The following ADAMTS12 variants were observed in gnomAD, a reference collection of about 807,000 sequenced individuals.
ADAMTS12 encodes the protein ADAM metallopeptidase with thrombospondin type 1 motif 12.
Under a neutral mutation model 167.8 loss-of-function variants are expected in ADAMTS12, and 118 were observed. That is an observed-to-expected ratio of 0.70 (90% CI 0.61 to 0.82). The LOEUF is 0.82. Among genes scored for constraint, ADAMTS12 ranks in the 40% least tolerant of loss-of-function variants. ADAMTS12 has a pLI of 0.00. For synonymous variants in ADAMTS12, 704 were observed against 716.9 expected, an observed-to-expected ratio of 0.98 and a Z score of 0.29; for missense variants, 1,916 against 1,998.8, an observed-to-expected ratio of 0.96 and a Z score of 0.79.
At chr5:33,710,181 A>G (rs1057394477) in intron 3 of ADAMTS12, among the ~76,000 whole-genome samples, 1 of 152,178 alleles carries the variant, frequency 6.6e-6, no homozygotes, top group Non-Finnish European at 1.5e-5. Context: ...ATTATTTCAG[A>G]ACTATTTTTA....
intron 2 of ADAMTS12, among the ~76,000 whole-genome samples, chr5:33,844,301 C>T (rs1331986127): frequency 6.6e-6 from 1 of 152,200 alleles, no homozygotes; most frequent in Non-Finnish European, 1.5e-5. Context: ...ACTCTGACTG[C>T]CGGTGAGCCA....
At chr5:33,640,295 G>A (rs1056548192) in intron 11 of ADAMTS12, among the ~76,000 whole-genome samples, 9 of 152,204 alleles carry the variant, frequency 5.9e-5, no homozygotes. Context: ...TGTGGCCTTG[G>A]AGATGAGAAT....
In ADAMTS12 at chr5:33,561,183, T is replaced by C. The variant is rs1311256047; in HGVS notation, c.3973-4A>G. On this transcript the variant is annotated splice_polypyrimidine_tract_variant and splice_region_variant and intron_variant, in intron 19 of 23. Coordinates refer to ENST00000504830, the MANE Select transcript of ADAMTS12 (RefSeq NM_030955.4). Reference sequence around the variant, plus strand: ...CCAGGCCACATGTGGTGGAGCACTGTAGCAGGGAAGGAGAGAGATGACAGA... The same window carrying C: ...CCAGGCCACATGTGGTGGAGCACTGCAGCAGGGAAGGAGAGAGATGACAGA... 9.9e-6 allele frequency: 16 copies of C among 1,613,296 alleles called. No individual in the cohort carries two copies. Among genetic ancestry groups the C allele is most frequent in the Non-Finnish European group, 1.4e-5 (16 of 1,179,836 alleles).
intron 3 of ADAMTS12, among the ~76,000 whole-genome samples, chr5:33,727,486 G>C (rs568166165): frequency 3.7e-4 from 57 of 152,208 alleles, no homozygotes; most frequent in Non-Finnish European, 6.5e-4. Context: ...ACTGTCCTGA[G>C]GTATCCCTTT....
At chr5:33,547,161 T>C (rs12514485) in intron 21 of ADAMTS12, among the ~76,000 whole-genome samples, 4,454 of 152,296 alleles carry the variant, frequency 0.029, 107 homozygotes, top group East Asian at 0.094. Flanking sequence ...GGAGTTCTTG[T>C]GCATACCTAC....
At chr5:33,638,008 G>C (rs1740276331) in intron 11 of ADAMTS12, among the ~76,000 whole-genome samples, 1 of 152,082 alleles carries the variant, frequency 6.6e-6, no homozygotes, top group Non-Finnish European at 1.5e-5. Context: ...GCCAAAAAAG[G>C]ATACATCATT....
chr5:33,731,194 T>TC (rs1289294667), intron 3 of ADAMTS12, among the ~76,000 whole-genome samples: 5 of 151,894 alleles, frequency 3.3e-5, no homozygotes, highest in Admixed American at 3.3e-4. Context: ...TCTTTTCTTT[T>TC]TTTTTTTTTG....
intron 3 of ADAMTS12, among the ~76,000 whole-genome samples, chr5:33,732,567 G>A (rs1744232474): frequency 6.6e-6 from 1 of 152,262 alleles, no homozygotes; most frequent in East Asian, 1.9e-4. Flanking sequence ...CATATTCACA[G>A]AAATAATTAG....
At chr5:33,871,616 GA>G (rs202193537) in intron 2 of ADAMTS12, among the ~76,000 whole-genome samples, 2 of 151,186 alleles carry the variant, frequency 1.3e-5, no homozygotes, top group African/African-American at 4.9e-5. Flanking sequence ...GATTCAATGA[GA>G]AAAAAAACTA....
At chr5:33,561,221 C>G in intron 19 of ADAMTS12, 42 bp from the exon 20 acceptor site, 1 of 1,599,980 alleles carries the variant, frequency 6.3e-7, no homozygotes, top group South Asian at 1.1e-5. Flanking sequence ...CTGAGTGTCA[C>G]CTTCTCACAC....
At chr5:33,680,149 G>T (rs1344218986) in intron 5 of ADAMTS12, among the ~76,000 whole-genome samples, 1 of 152,214 alleles carries the variant, frequency 6.6e-6, no homozygotes, top group East Asian at 1.9e-4. Flanking sequence ...TGGCAAGTGG[G>T]AGGTAGAGAG....
intron 2 of ADAMTS12, among the ~76,000 whole-genome samples, chr5:33,815,478 C>G (rs1023810925): frequency 6.6e-6 from 1 of 152,198 alleles, no homozygotes; most frequent in East Asian, 1.9e-4. Flanking sequence ...AGGGCCCTTG[C>G]CCTGAACCTG....
chr5:33,652,928 A>G (rs1740918835), intron 7 of ADAMTS12, among the ~76,000 whole-genome samples: 1 of 152,080 alleles, frequency 6.6e-6, no homozygotes, highest in Non-Finnish European at 1.5e-5. Flanking sequence ...CTCTCATTGT[A>G]TATGGGGTCC....
intron 2 of ADAMTS12, among the ~76,000 whole-genome samples, chr5:33,766,350 G>A (rs1344413106): frequency 6.6e-6 from 1 of 151,980 alleles, no homozygotes; most frequent in African/African-American, 2.4e-5. Flanking sequence ...AAAAACATTG[G>A]ACAAATCAAA....
chr5:33,585,426 A>AT (rs1747298391), intron 18 of ADAMTS12, among the ~76,000 whole-genome samples: 1 of 152,150 alleles, frequency 6.6e-6, no homozygotes, highest in South Asian at 2.1e-4. Context: ...TTTTATTGTA[A>AT]ACTGCCTGAA....
rs765736039 is a variant in ADAMTS12, at chr5:33,577,109, T to A, written c.2917A>T (p.Lys973Ter). 6.2e-7 allele frequency: 1 copy of A among 1,614,204 alleles called. No homozygotes were observed. The highest frequency in any genetic ancestry group is 8.5e-7 in the Non-Finnish European group (1 of 1,180,016). The change falls in exon 19 of 24, where the codon AAG becomes TAG. Residue 973 changes from lysine (K) to a stop codon, truncating the protein, a stop_gained. Transcript: ENST00000504830. LOFTEE classifies it high-confidence loss of function. ...GVRIRSVTCA[K>*]NHDEPCDVTR... ...ACATCGCAAGGTTCATCATGGTTCT[T>A]GGCACATGTGACACTGCGAATCCGC...
At chr5:33,608,856 A>C (rs1386198222) in intron 16 of ADAMTS12, among the ~76,000 whole-genome samples, 2 of 152,142 alleles carry the variant, frequency 1.3e-5, no homozygotes, top group African/African-American at 4.8e-5. Flanking sequence ...ATCCAATTGA[A>C]AAGCAGCCAA....
In ADAMTS12 at chr5:33,525,045, A is replaced by G. The variant is rs1743751421; in HGVS notation, c.*2143T>C. 1 of 152,194 alleles carries G rather than the reference A, an allele frequency of 6.6e-6. No individual in the cohort carries two copies. The allele number at this position is 152,194 out of a possible 1,614,324, so 9.4% of individuals were successfully genotyped here. On this transcript the variant is annotated 3_prime_UTR_variant, in exon 24 of 24. Coordinates refer to ENST00000504830, the MANE Select transcript of ADAMTS12 (RefSeq NM_030955.4). ...TGGTCATACCCAGGTCTCTGATGACACGTATTTGACCCTATGCTAGTACAG... is the reference window on the plus strand; with the variant it reads ...TGGTCATACCCAGGTCTCTGATGACGCGTATTTGACCCTATGCTAGTACAG...
At chr5:33,681,212 G>C (rs28405871) in intron 5 of ADAMTS12, among the ~76,000 whole-genome samples, 6,694 of 152,176 alleles carry the variant, frequency 0.044, 299 homozygotes, top group East Asian at 0.17. Flanking sequence ...AGGGAGACCG[G>C]GTTACAGGGG....
Sources: gnomAD v4.1 joint callset for allele counts (sites outside exome capture counted in the v4.1 genomes callset) on GRCh38, gnomAD v4.1.1 for gene constraint, MANE v1.5 for transcripts, NCBI Gene and HGNC (gene_info 2026-07-23, HGNC 2026-07-21) for gene names.